The following ADGB variants were observed in gnomAD, a reference collection of about 807,000 sequenced individuals.
ADGB encodes androglobin.
A neutral mutation model predicts 210.5 loss-of-function variants in ADGB; 172 were observed. The observed-to-expected ratio is 0.82, with a 90% CI of 0.72 to 0.93. The LOEUF (loss-of-function observed/expected upper bound fraction) is 0.93. ADGB is among the 40% of genes least tolerant of loss of function. The pLI is 0.00. For synonymous variants in ADGB, 658 were observed against 662.7 expected (o/e 0.99, Z 0.11); for missense variants, 2,025 against 1,964.8 (o/e 1.03, Z -0.58).
At chr6:146,767,682 C>T (rs1405237155) in intron 28 of ADGB, among the ~76,000 whole-genome samples, 1 of 148,238 alleles carries the variant, frequency 6.7e-6, no homozygotes, top group Non-Finnish European at 1.5e-5. Context: ...ACCATGTTGG[C>T]CAGGCTGGTC....
chr6:146,752,895 G>T (rs1372468294), intron 27 of ADGB, among the ~76,000 whole-genome samples, 181 bp downstream of exon 27: 1 of 151,848 alleles, frequency 6.6e-6, no homozygotes, highest in Non-Finnish European at 1.5e-5. Context: ...ATCATTATAG[G>T]TTTATTTTAA....
chr6:146,656,969 C>T lies in ADGB; in HGVS notation c.601C>T (p.Leu201Phe). The T allele has an allele frequency of 6.4e-7, 1 of 1,550,570 alleles. No individual in the cohort carries two copies. Among genetic ancestry groups the T allele is most frequent in the Non-Finnish European group, 8.7e-7 (1 of 1,146,134 alleles). ...TAGCTATGGAAAGTATGTTGTGAAACTTTACTGGATGGTAAGTCCATTTTC... is the reference window on the plus strand; with the variant it reads ...TAGCTATGGAAAGTATGTTGTGAAATTTTACTGGATGGTAAGTCCATTTTC... Reference protein sequence around the residue: ...FNSYGKYVVKLYWMGCWRKIT... With the variant: ...FNSYGKYVVKFYWMGCWRKIT... The change falls in exon 5 of 36, where the codon CTT becomes TTT. Residue 201 changes from leucine to phenylalanine, a missense_variant. Coordinates refer to ENST00000397944, the MANE Select transcript of ADGB (RefSeq NM_024694.4).
intron 6 of ADGB, among the ~76,000 whole-genome samples, chr6:146,665,213 T>C (rs1486562288): frequency 6.6e-6 from 1 of 151,998 alleles, no homozygotes; most frequent in Non-Finnish European, 1.5e-5. Context: ...CTATAAACAT[T>C]GCAATGTTAG....
chr6:146,724,866 T>C (rs1436348146), intron 18 of ADGB: 2 of 152,146 alleles, frequency 1.3e-5, no homozygotes, highest in Non-Finnish European at 2.9e-5. Flanking sequence ...AAAATACATA[T>C]AATGGAAAAG....
At chr6:146,710,240 C>T (rs1034559696) in intron 13 of ADGB, among the ~76,000 whole-genome samples, 3 of 151,522 alleles carry the variant, frequency 2.0e-5, no homozygotes, top group Admixed American at 2.0e-4. Context: ...TAATCATCTT[C>T]TAAAATGTTA....
chr6:146,754,046 A>G (rs1442953215), intron 27 of ADGB, among the ~76,000 whole-genome samples: 1 of 151,414 alleles, frequency 6.6e-6, no homozygotes, highest in Non-Finnish European at 1.5e-5. Flanking sequence ...TTTAGGGGAG[A>G]GACATTCATT....
intron 25 of ADGB, among the ~76,000 whole-genome samples, chr6:146,742,127 A>G (rs748952425): frequency 1.3e-5 from 2 of 152,184 alleles, no homozygotes; most frequent in South Asian, 2.1e-4. Flanking sequence ...AAAAATCCTA[A>G]TAGCTCTTTC....
intron 5 of ADGB, among the ~76,000 whole-genome samples, chr6:146,659,650 T>G (rs1464530647): frequency 6.6e-6 from 1 of 152,192 alleles, no homozygotes; most frequent in Non-Finnish European, 1.5e-5. Context: ...AAGTAAATTG[T>G]ATCAAGTTCT....
intron 33 of ADGB, among the ~76,000 whole-genome samples, chr6:146,791,921 C>CTTTTTTTTTTTT (rs66891404): frequency 8.9e-6 from 1 of 112,492 alleles, no homozygotes; most frequent in Non-Finnish European, 1.8e-5. Context: ...CTGCACCTTG[C>CTTTTTTTTTTTT]TTTTTTTTTT....
chr6:146,736,846 G>A lies in ADGB; in HGVS notation c.2888+255G>A, dbSNP rs549678597. Among the ~76,000 whole-genome samples the A allele has an allele frequency of 5.9e-5, 9 of 152,110 alleles. No homozygotes were observed. In the South Asian group the frequency reaches 8.3e-4, roughly 14 times the overall value. On this transcript the variant is annotated intron_variant, in intron 23 of 35. Coordinates refer to ENST00000397944, the MANE Select transcript of ADGB (RefSeq NM_024694.4). ...AGAACAAAGTTTCCTTAAATCTTACGGTACTGAGAAGACAAAAATTAAAGT... is the reference window on the plus strand; with the variant it reads ...AGAACAAAGTTTCCTTAAATCTTACAGTACTGAGAAGACAAAAATTAAAGT...
At chr6:146,789,469 C>A (rs1777924252) in intron 33 of ADGB, among the ~76,000 whole-genome samples, 1 of 152,184 alleles carries the variant, frequency 6.6e-6, no homozygotes, top group Non-Finnish European at 1.5e-5. Flanking sequence ...AACAATGGTT[C>A]TTTTCTCAAA....
At chr6:146,638,256 A>G (rs1377727580) in intron 2 of ADGB, among the ~76,000 whole-genome samples, 2 of 152,046 alleles carry the variant, frequency 1.3e-5, no homozygotes, top group Non-Finnish European at 2.9e-5. Flanking sequence ...TTAATTTTAC[A>G]TAAACATACT....
chr6:146,651,282 T>C (rs1488074748), intron 3 of ADGB, among the ~76,000 whole-genome samples: 1 of 152,152 alleles, frequency 6.6e-6, no homozygotes, highest in South Asian at 2.1e-4. Context: ...GCTCCACTCA[T>C]TGGAAACTAG....
chr6:146,627,787 C>A (rs533820164), intron 1 of ADGB, among the ~76,000 whole-genome samples: 1 of 152,036 alleles, frequency 6.6e-6, no homozygotes, highest in Non-Finnish European at 1.5e-5. Context: ...TGAAAGTATA[C>A]CTTGCTGTCC....
At chr6:146,807,998 T>G (rs938839393) in intron 35 of ADGB, among the ~76,000 whole-genome samples, 3 of 145,366 alleles carry the variant, frequency 2.1e-5, no homozygotes, top group Non-Finnish European at 4.5e-5. Flanking sequence ...TTCAGTTTTT[T>G]TTTTTTTTTT....
chr6:146,715,807 C>T (rs9497612), intron 14 of ADGB, among the ~76,000 whole-genome samples: 2,779 of 152,130 alleles, frequency 0.018, 94 homozygotes, highest in African/African-American at 0.063. Context: ...CAGTGGCTCA[C>T]GCATGTAATC....
chr6:146,626,181 T>C (rs1209884680), intron 1 of ADGB, among the ~76,000 whole-genome samples: 3 of 152,020 alleles, frequency 2.0e-5, no homozygotes, highest in Admixed American at 2.0e-4. Context: ...ATAAAAAACA[T>C]TATAATAGTA....
intron 28 of ADGB, among the ~76,000 whole-genome samples, chr6:146,766,832 T>C (rs1391524930): frequency 1.3e-5 from 2 of 152,092 alleles, no homozygotes; most frequent in East Asian, 3.9e-4. Context: ...AAATTGCAAA[T>C]AACATAATAG....
intron 20 of ADGB, among the ~76,000 whole-genome samples, chr6:146,730,670 T>C (rs1334256879): frequency 6.6e-6 from 1 of 152,218 alleles, no homozygotes; most frequent in Non-Finnish European, 1.5e-5. Flanking sequence ...AAATAAATGG[T>C]ACTCAGGTCC....
Sources: allele counts gnomAD v4.1 joint callset (sites outside exome capture counted in the v4.1 genomes callset), GRCh38; gene constraint gnomAD v4.1.1; transcripts MANE v1.5; gene names NCBI Gene and HGNC (gene_info 2026-07-23, HGNC 2026-07-21).